Variants in C12orf42 observed in about 807,000 individuals in gnomAD.
The protein encoded by C12orf42 is uncharacterized protein C12orf42.
A neutral mutation model predicts 21.6 loss-of-function variants in C12orf42; 25 were observed. That is an observed-to-expected ratio of 1.16 (90% CI 0.84 to 1.62). The LOEUF is 1.62. Ranked by LOEUF, C12orf42 falls within the 40% of genes most tolerant of loss-of-function variation. The pLI, the probability that C12orf42 is intolerant of heterozygous loss-of-function variation, is 0.00. For missense variants in C12orf42, 483 were observed against 459.3 expected (o/e 1.05, Z -0.47); for synonymous variants, 174 against 175.0 (o/e 0.99, Z 0.05).
At chr12:103,333,339 A>C (rs1271511106) in intron 4 of C12orf42, among the ~76,000 whole-genome samples, 1 of 152,206 alleles carries the variant, frequency 6.6e-6, no homozygotes, top group African/African-American at 2.4e-5. Flanking sequence ...CATATGTATA[A>C]AGTTTTTATA....
the C12orf42 span, among the ~76,000 whole-genome samples, chr12:103,107,355 T>C: frequency 2.0e-5 from 3 of 152,056 alleles, no homozygotes; most frequent in East Asian, 5.8e-4. Context: ...CATTTACAAA[T>C]TTGACCAAAC....
intron 4 of C12orf42, among the ~76,000 whole-genome samples, chr12:103,286,882 G>A (rs565338626): frequency 6.7e-6 from 1 of 150,120 alleles, no homozygotes; most frequent in East Asian, 2.0e-4. Context: ...GAAAAGAGTA[G>A]AATCATACAA....
At chr12:103,529,212 A>G in the C12orf42 span, among the ~76,000 whole-genome samples, 2,760 of 152,322 alleles carry the variant, frequency 0.018, 87 homozygotes, top group African/African-American at 0.058. Flanking sequence ...CAGTAGCACA[A>G]GATCTCAACC....
chr12:103,508,841 A>G, the C12orf42 span, among the ~76,000 whole-genome samples: 15 of 152,334 alleles, frequency 9.8e-5, no homozygotes, highest in East Asian at 2.3e-3. Flanking sequence ...TCTAAATGTC[A>G]ATTTCCTCAT....
chr12:103,449,025 C>G (rs190685889), intron 2 of C12orf42, among the ~76,000 whole-genome samples: 1 of 151,424 alleles, frequency 6.6e-6, no homozygotes, highest in African/African-American at 2.4e-5. Flanking sequence ...TTTGCAATTG[C>G]AAAAATACAG....
chr12:103,113,473 G>T, the C12orf42 span, among the ~76,000 whole-genome samples: 1 of 149,576 alleles, frequency 6.7e-6, no homozygotes, highest in African/African-American at 2.6e-5. Context: ...ACATTCCGGG[G>T]TATGGAGTAG....
the C12orf42 span, among the ~76,000 whole-genome samples, chr12:103,185,263 G>A: frequency 6.6e-6 from 1 of 152,104 alleles, no homozygotes; most frequent in Non-Finnish European, 1.5e-5. Context: ...GACATTTCTG[G>A]ACTACCTGTG....
At chr12:103,418,831 A>AT (rs2049602280) in intron 2 of C12orf42, among the ~76,000 whole-genome samples, 1 of 140,050 alleles carries the variant, frequency 7.1e-6, no homozygotes, top group African/African-American at 2.9e-5. Context: ...CATTCCGTTA[A>AT]ATTTTTTTTT....
the C12orf42 span, among the ~76,000 whole-genome samples, chr12:103,116,050 C>T: frequency 3.3e-5 from 5 of 152,294 alleles, no homozygotes; most frequent in East Asian, 9.7e-4. Context: ...ATCAACGTGT[C>T]CTTTGCCTCC....
chr12:103,291,922 A>G (rs1002282898), intron 4 of C12orf42, among the ~76,000 whole-genome samples: 10 of 152,148 alleles, frequency 6.6e-5, no homozygotes, highest in African/African-American at 2.2e-4. Flanking sequence ...ACAGCACTGC[A>G]TGCAAGAGAA....
the C12orf42 span, among the ~76,000 whole-genome samples, chr12:103,094,015 T>C: frequency 6.6e-6 from 1 of 152,174 alleles, no homozygotes; most frequent in African/African-American, 2.4e-5. Context: ...CAAAGTGTAT[T>C]TGGCTAGATA....
intron 2 of C12orf42, among the ~76,000 whole-genome samples, chr12:103,419,389 ACC>A (rs879458476): frequency 1.2e-4 from 19 of 152,312 alleles, no homozygotes; most frequent in Admixed American, 2.0e-4. Flanking sequence ...TAGAAAGGTC[ACC>A]TTGGGCCCCA....
chr12:103,561,314 G>T, the C12orf42 span, among the ~76,000 whole-genome samples: 1 of 152,138 alleles, frequency 6.6e-6, no homozygotes, highest in South Asian at 2.1e-4. Context: ...CTTAGTTTGG[G>T]TTGCCATAGC....
chr12:103,119,576 G>A, the C12orf42 span, among the ~76,000 whole-genome samples: 1 of 152,140 alleles, frequency 6.6e-6, no homozygotes, highest in African/African-American at 2.4e-5. Flanking sequence ...ACTTTCCAGA[G>A]AATGGAATCA....
At chr12:103,342,198 TATGGGCTCCTCAACCTTTTAACTTG>T (rs934504607) in intron 4 of C12orf42, among the ~76,000 whole-genome samples, 9 of 152,208 alleles carry the variant, frequency 5.9e-5, no homozygotes, top group African/African-American at 1.7e-4. Context: ...AACTTGAGTT[TATGGGCTCCTCAACCTTTTAACTTG>T]ATGGGCTCCT....
intron 4 of C12orf42, among the ~76,000 whole-genome samples, chr12:103,286,088 A>G (rs2036438001): frequency 6.6e-6 from 1 of 151,976 alleles, no homozygotes; most frequent in Non-Finnish European, 1.5e-5. Flanking sequence ...TACTAAAAAT[A>G]CAAAAACAAA....
At chr12:103,129,717 C>T in the C12orf42 span, among the ~76,000 whole-genome samples, 1 of 152,186 alleles carries the variant, frequency 6.6e-6, no homozygotes. Context: ...CATTGGAGGG[C>T]ATTCTAGCCC....
the C12orf42 span, among the ~76,000 whole-genome samples, chr12:103,529,771 T>G: frequency 6.6e-6 from 1 of 152,204 alleles, no homozygotes; most frequent in Non-Finnish European, 1.5e-5. Context: ...TTTGGCTATT[T>G]CAATGGTGAG....
chr12:103,083,573 T>A, the C12orf42 span, among the ~76,000 whole-genome samples: 6 of 152,180 alleles, frequency 3.9e-5, no homozygotes, highest in African/African-American at 1.2e-4. Context: ...TCAGTTTTTT[T>A]AAAAAGCTTT....
Sources: gnomAD v4.1 joint callset for allele counts (sites outside exome capture counted in the v4.1 genomes callset) on GRCh38, gnomAD v4.1.1 for gene constraint, MANE v1.5 for transcripts, NCBI Gene and HGNC (gene_info 2026-07-23, HGNC 2026-07-21) for gene names.